NAALADL2: variants seen among roughly 807,000 people sequenced by gnomAD.
The protein encoded by NAALADL2 is inactive N-acetylated-alpha-linked acidic dipeptidase-like protein 2.
Under a neutral mutation model 87.2 loss-of-function variants are expected in NAALADL2, and 76 were observed. That is an observed-to-expected ratio of 0.87 (90% CI 0.72 to 1.05). NAALADL2 has a LOEUF of 1.05. NAALADL2 is among the 50% of genes least tolerant of loss of function. NAALADL2 has a pLI of 0.00. For missense variants in NAALADL2, 1,089 were observed against 945.8 expected (o/e 1.15, Z -1.99); for synonymous variants, 354 against 331.0 (o/e 1.07, Z -0.75).
chr3:175,603,407 C>G (rs114359022), intron 10 of NAALADL2, among the ~76,000 whole-genome samples: 1 of 152,162 alleles, frequency 6.6e-6, no homozygotes, highest in Non-Finnish European at 1.5e-5. Flanking sequence ...TCACCACCAT[C>G]CATTTCCAGA....
At chr3:175,458,015 T>C (rs1452328666) in intron 6 of NAALADL2, among the ~76,000 whole-genome samples, 2 of 152,132 alleles carry the variant, frequency 1.3e-5, no homozygotes, top group Non-Finnish European at 2.9e-5. Context: ...TTGTCAAATG[T>C]TAGGCAGTAA....
At chr3:174,517,683 C>T (rs1400200351) in intron 1 of NAALADL2, among the ~76,000 whole-genome samples, 3 of 151,900 alleles carry the variant, frequency 2.0e-5, no homozygotes, top group African/African-American at 7.2e-5. Flanking sequence ...CAAAGTGACA[C>T]CAAGTGATAT....
At chr3:174,811,793 C>A (rs964112960) in intron 3 of NAALADL2, among the ~76,000 whole-genome samples, 1 of 152,088 alleles carries the variant, frequency 6.6e-6, no homozygotes, top group Non-Finnish European at 1.5e-5. Flanking sequence ...TGTGTCCCCA[C>A]CCAAACTTCA....
intron 4 of NAALADL2, among the ~76,000 whole-genome samples, chr3:175,311,203 A>G (rs978658134): frequency 6.7e-6 from 1 of 148,764 alleles, no homozygotes; most frequent in East Asian, 2.0e-4. Flanking sequence ...CTCTGGAACT[A>G]TATACTCAAT....
rs192030733 is a variant in NAALADL2, at chr3:175,611,929, T to C, written c.1801-15362T>C. Among the ~76,000 whole-genome samples the C allele has an allele frequency of 1.9e-3, 285 of 152,306 alleles. 1 individual carries two copies. The highest frequency in any genetic ancestry group is 6.5e-3 in the African/African-American group (269 of 41,586). Reference sequence around the variant, plus strand: ...TTAGTGAATTGCAGAATTAATTTAGTGCCTTTATTGATTTCCAGTTGAATA... The same window carrying C: ...TTAGTGAATTGCAGAATTAATTTAGCGCCTTTATTGATTTCCAGTTGAATA... On this transcript the variant is annotated intron_variant, in intron 10 of 13. Coordinates refer to ENST00000454872, the MANE Select transcript of NAALADL2 (RefSeq NM_207015.3).
At chr3:175,139,287 ATG>A (rs2108707838) in intron 2 of NAALADL2, among the ~76,000 whole-genome samples, 1 of 152,120 alleles carries the variant, frequency 6.6e-6, no homozygotes, top group African/African-American at 2.4e-5. Flanking sequence ...AAAAAATAAA[ATG>A]TGGCATTGGA....
intron 9 of NAALADL2, among the ~76,000 whole-genome samples, chr3:175,494,949 T>G (rs959000113): frequency 1.3e-5 from 2 of 151,716 alleles, no homozygotes; most frequent in Non-Finnish European, 2.9e-5. Context: ...GTATTTTCTC[T>G]CCTGAAATAT....
intron 10 of NAALADL2, among the ~76,000 whole-genome samples, chr3:175,613,316 A>T (rs1453263547): frequency 6.6e-6 from 1 of 152,230 alleles, no homozygotes; most frequent in Non-Finnish European, 1.5e-5. Context: ...GAAATGATCC[A>T]AAATATTTTG....
chr3:175,799,892 A>G (rs1339982146), intron 13 of NAALADL2, among the ~76,000 whole-genome samples: 1 of 152,188 alleles, frequency 6.6e-6, no homozygotes, highest in Non-Finnish European at 1.5e-5. Flanking sequence ...AATGTTAAGA[A>G]TACTTGGAGA....
At chr3:174,869,680 G>A (rs1479725545) in intron 1 of NAALADL2, among the ~76,000 whole-genome samples, 1 of 152,104 alleles carries the variant, frequency 6.6e-6, no homozygotes, top group African/African-American at 2.4e-5. Context: ...GCTAGCCGCA[G>A]CTGCAGTGAA....
chr3:175,696,919 TACTA>T (rs1737870494), intron 11 of NAALADL2, among the ~76,000 whole-genome samples: 1 of 152,062 alleles, frequency 6.6e-6, no homozygotes, highest in African/African-American at 2.4e-5. Context: ...GCCAACTCCT[TACTA>T]ACCCACTTCT....
At chr3:175,146,294 A>G (rs1292834063) in intron 2 of NAALADL2, among the ~76,000 whole-genome samples, 2 of 152,130 alleles carry the variant, frequency 1.3e-5, no homozygotes, top group Admixed American at 6.6e-5. Flanking sequence ...CAGAAAAAAG[A>G]GAAGGACTGT....
intron 1 of NAALADL2, among the ~76,000 whole-genome samples, chr3:174,860,992 T>C (rs1318677274): frequency 1.3e-5 from 2 of 152,102 alleles, no homozygotes; most frequent in South Asian, 2.1e-4. Flanking sequence ...ACAAGTGATA[T>C]AGTAAATAAT....
chr3:174,845,922 G>A (rs142890579), intron 3 of NAALADL2, among the ~76,000 whole-genome samples: 46 of 152,256 alleles, frequency 3.0e-4, no homozygotes, highest in African/African-American at 1.0e-3. Flanking sequence ...GGCAGGACGC[G>A]TTGCACCTGT....
chr3:175,759,978 G>A (rs1436412115), intron 13 of NAALADL2, among the ~76,000 whole-genome samples: 1 of 152,122 alleles, frequency 6.6e-6, no homozygotes, highest in Admixed American at 6.5e-5. Flanking sequence ...GTGCTCCTGA[G>A]AGGGTGCACT....
intron 2 of NAALADL2, among the ~76,000 whole-genome samples, chr3:175,190,316 G>C (rs1453240076): frequency 6.6e-6 from 1 of 151,708 alleles, no homozygotes; most frequent in Non-Finnish European, 1.5e-5. Context: ...CTCTGTTAAG[G>C]GGTTAATATC....
chr3:175,305,660 T>C (rs1036806800), intron 4 of NAALADL2, among the ~76,000 whole-genome samples: 1 of 152,000 alleles, frequency 6.6e-6, no homozygotes, highest in African/African-American at 2.4e-5. Context: ...GTAGCTGGGA[T>C]TACAGGCATG....
chr3:175,687,804 A>T (rs140777698), intron 11 of NAALADL2, among the ~76,000 whole-genome samples: 1 of 151,904 alleles, frequency 6.6e-6, no homozygotes, highest in Admixed American at 6.6e-5. Context: ...CAGGAAATCT[A>T]GTTGTTTAAA....
chr3:175,742,788 A>G (rs1401028543), intron 12 of NAALADL2, among the ~76,000 whole-genome samples: 1 of 152,186 alleles, frequency 6.6e-6, no homozygotes, highest in Non-Finnish European at 1.5e-5. Context: ...GCTAAGTTTG[A>G]TGAAGAGTTC....
Sources: allele counts gnomAD v4.1 joint callset (sites outside exome capture counted in the v4.1 genomes callset), GRCh38; gene constraint gnomAD v4.1.1; transcripts MANE v1.5; gene names NCBI Gene and HGNC (gene_info 2026-07-23, HGNC 2026-07-21).